The following HECW1 variants were observed in gnomAD, a reference collection of about 807,000 sequenced individuals.
HECW1 encodes HECT, C2 and WW domain containing E3 ubiquitin protein ligase 1.
HECW1 carries 61 observed loss-of-function variants against 182.3 expected under a neutral mutation model. The ratio of observed to expected loss-of-function variants is 0.33; its 90% CI spans 0.27 to 0.41. The LOEUF is 0.41. Among genes scored for constraint, HECW1 ranks in the 10% least tolerant of loss-of-function variants. The probability of loss-of-function intolerance (pLI) is 1.00; values close to 1 mark genes in which losing one functional copy is unlikely to be tolerated. For synonymous variants in HECW1, 859 were observed against 832.6 expected (o/e 1.03, Z -0.55); for missense variants, 1,739 against 2,108.9 (o/e 0.82, Z 3.44).
intron 26 of HECW1, among the ~76,000 whole-genome samples, chr7:43,544,003 T>C (rs1405528056): frequency 2.6e-5 from 4 of 152,050 alleles, no homozygotes; most frequent in Non-Finnish European, 4.4e-5. Flanking sequence ...TTAAGTTAGA[T>C]CCCTAACCTA....
intron 24 of HECW1, among the ~76,000 whole-genome samples, chr7:43,540,803 G>T (rs2081337309): frequency 6.6e-6 from 1 of 152,176 alleles, no homozygotes; most frequent in South Asian, 2.1e-4. Context: ...TGTGTCACTG[G>T]ATCTGGGTCC....
intron 2 of HECW1, among the ~76,000 whole-genome samples, chr7:43,216,570 C>T (rs1796460855): frequency 6.6e-6 from 1 of 152,162 alleles, no homozygotes; most frequent in Non-Finnish European, 1.5e-5. Flanking sequence ...TTGCCTGGTA[C>T]TGCTCCCCAG....
rs1174372460 is a variant in HECW1, at chr7:43,444,809, T to C, written c.1637T>C (p.Ile546Thr). ...CCTGTGTCCGAGCTGGAGACGGTGA[T>C]CGCGTCAGCCTGCGGGGACCCCGAG... ...SLPVSELETV[I>T]ASACGDPETP... Residue 546 changes from isoleucine (I) to threonine (T), a missense_variant, in exon 11 of 30, where the codon ATC becomes ACC. Transcript: ENST00000395891. The surrounding 1 kb of genome is among the most constrained non-coding windows in gnomAD (Gnocchi z 4.3). 4 of 1,613,898 alleles carry C rather than the reference T, an allele frequency of 2.5e-6. No individual in the cohort carries two copies. In the South Asian group the frequency reaches 4.4e-5, roughly 18 times the overall value.
intron 28 of HECW1, 147 bp from the exon 29 acceptor site, chr7:43,554,445 C>T (rs1357562035): frequency 2.9e-6 from 2 of 682,880 alleles, no homozygotes. Context: ...TTGTTTTAGA[C>T]CTCTCTAAAG....
At chr7:43,252,686 A>G (rs1374370608) in intron 3 of HECW1, among the ~76,000 whole-genome samples, 1 of 152,178 alleles carries the variant, frequency 6.6e-6, no homozygotes, top group African/African-American at 2.4e-5. Flanking sequence ...TGTAACCTTC[A>G]TCATGGATAG....
intron 19 of HECW1, among the ~76,000 whole-genome samples, 171 bp from the exon 20 acceptor site, chr7:43,500,528 T>C (rs2152923866): frequency 6.6e-6 from 1 of 152,252 alleles, no homozygotes; most frequent in African/African-American, 2.4e-5. Context: ...CCATCCCTCA[T>C]AGAGCATCCT....
At chr7:43,549,259 A>G (rs959258298) in intron 26 of HECW1, among the ~76,000 whole-genome samples, 2 of 152,224 alleles carry the variant, frequency 1.3e-5, no homozygotes, top group African/African-American at 4.8e-5. Flanking sequence ...CAGACATTCC[A>G]AAGAATATGG....
chr7:43,162,933 A>C (rs1017157910), intron 2 of HECW1: 8 of 152,264 alleles, frequency 5.3e-5, no homozygotes, highest in Admixed American at 2.0e-4. Flanking sequence ...CAGATGAAGA[A>C]CATGAGTCTT....
intron 19 of HECW1, among the ~76,000 whole-genome samples, chr7:43,496,718 C>T (rs552950482): frequency 1.6e-4 from 24 of 152,252 alleles, no homozygotes; most frequent in African/African-American, 5.8e-4. Context: ...GTCTGCAAAG[C>T]CAGTTGCTGG....
intron 5 of HECW1, among the ~76,000 whole-genome samples, chr7:43,335,872 T>C (rs1444900873): frequency 6.6e-6 from 1 of 151,186 alleles, no homozygotes; most frequent in Non-Finnish European, 1.5e-5. Context: ...TCTCTTTCTC[T>C]TTCTCCCTTC....
At chr7:43,262,822 A>C (rs928703332) in intron 3 of HECW1, among the ~76,000 whole-genome samples, 2 of 152,088 alleles carry the variant, frequency 1.3e-5, no homozygotes, top group African/African-American at 4.8e-5. Context: ...TTGCACTTCC[A>C]CCTTCTCCCT....
intron 2 of HECW1, among the ~76,000 whole-genome samples, chr7:43,187,065 G>T (rs6970853): frequency 2.0e-5 from 3 of 147,406 alleles, no homozygotes; most frequent in African/African-American, 8.1e-5. Context: ...CAAGACGTCA[G>T]TCAAAACTAC....
In HECW1 at chr7:43,456,411, C is replaced by T; in HGVS notation, c.2615C>T (p.Ser872Leu). 5 of 1,614,058 alleles carry T rather than the reference C, an allele frequency of 3.1e-6. No homozygotes were observed. The highest frequency in any genetic ancestry group is 4.2e-6 in the Non-Finnish European group (5 of 1,179,984). Residue 872 changes from serine (S) to leucine (L), a missense_variant, in exon 13 of 30, where the codon TCG (serine) becomes TTG (leucine). This residue lies in a region of HECW1 where 971 missense variants were observed against 1,029.1 expected (regional missense o/e 0.94). Transcript: ENST00000395891. The stretch of plus-strand genomic sequence containing the variant: ...GCCACCCCGGATGGCATGCGGAGAT[C>T]GGGGTCCATCCAGCAGATGGAGCAA... The part of the protein sequence containing the change: ...AAATPDGMRR[S>L]GSIQQMEQLN...
intron 3 of HECW1, among the ~76,000 whole-genome samples, chr7:43,296,588 G>A (rs1210434482): frequency 6.6e-6 from 1 of 152,154 alleles, no homozygotes; most frequent in African/African-American, 2.4e-5. Context: ...CTGGTGCTCT[G>A]ATGTCCAAGG....
At chr7:43,277,133 T>C (rs544435351) in intron 3 of HECW1, among the ~76,000 whole-genome samples, 164 of 152,276 alleles carry the variant, frequency 1.1e-3, no homozygotes, top group Non-Finnish European at 1.9e-3. Flanking sequence ...GAAAGAGAAA[T>C]CAGTTCATTC....
intron 2 of HECW1, among the ~76,000 whole-genome samples, chr7:43,161,277 T>G (rs544596479): frequency 6.6e-5 from 10 of 152,340 alleles, no homozygotes; most frequent in Middle Eastern, 3.4e-3. Context: ...GGTACAATTA[T>G]TTTTCATTAT....
At chr7:43,489,754 G>T (rs1196892610) in intron 17 of HECW1, among the ~76,000 whole-genome samples, 1 of 152,230 alleles carries the variant, frequency 6.6e-6, no homozygotes, top group South Asian at 2.1e-4. Context: ...GTTATCCTTG[G>T]GTGTGGAATA....
At chr7:43,283,894 G>A (rs1376486221) in intron 3 of HECW1, among the ~76,000 whole-genome samples, 1 of 152,188 alleles carries the variant, frequency 6.6e-6, no homozygotes, top group African/African-American at 2.4e-5. Flanking sequence ...CTACCTGAGC[G>A]TGTCATTTCT....
chr7:43,555,806 A>G lies in HECW1; in HGVS notation c.4709+1016A>G, dbSNP rs574229790. Among the ~76,000 whole-genome samples, 238 of 152,352 alleles carry G rather than the reference A, an allele frequency of 1.6e-3. 2 individuals are homozygous for G. The highest frequency in any genetic ancestry group is 5.5e-3 in the African/African-American group (227 of 41,584). The stretch of plus-strand genomic sequence containing the variant: ...TCAGTTCAGCAGACCCTCAGTTCCA[A>G]GGGTCTTTGTTGTTTGCATGGCTCT... On this transcript the variant is annotated intron_variant, in intron 29 of 29. Coordinates refer to ENST00000395891, the MANE Select transcript of HECW1 (RefSeq NM_015052.5).
Sources: gnomAD v4.1 joint callset for allele counts (sites outside exome capture counted in the v4.1 genomes callset) on GRCh38, gnomAD v4.1.1 for gene constraint, gnomAD v4.1.1 regional missense constraint, Gnocchi (gnomAD v3.1) non-coding constraint, MANE v1.5 for transcripts, NCBI Gene and HGNC (gene_info 2026-07-23, HGNC 2026-07-21) for gene names.